PPP2R3A: variants seen among roughly 807,000 people sequenced by gnomAD.
PPP2R3A encodes the protein protein phosphatase 2 regulatory subunit B''alpha.
Under a neutral mutation model 106.9 loss-of-function variants are expected in PPP2R3A, and 80 were observed. The ratio of observed to expected loss-of-function variants is 0.75; its 90% CI spans 0.62 to 0.90. PPP2R3A has a LOEUF of 0.90. Among genes scored for constraint, PPP2R3A ranks in the 40% least tolerant of loss-of-function variants. The probability of loss-of-function intolerance (pLI) is 0.00; values close to 1 mark genes in which losing one functional copy is unlikely to be tolerated. For missense variants in PPP2R3A, 1,386 were observed against 1,350.4 expected, an observed-to-expected ratio of 1.03 and a Z score of -0.41; for synonymous variants, 483 against 468.3, an observed-to-expected ratio of 1.03 and a Z score of -0.41.
chr3:136,096,033 C>A (rs1937207290), intron 10 of PPP2R3A, among the ~76,000 whole-genome samples: 1 of 152,104 alleles, frequency 6.6e-6, no homozygotes, highest in African/African-American at 2.4e-5. Context: ...TACATTTGGG[C>A]AAAATCATCT....
intron 5 of PPP2R3A, among the ~76,000 whole-genome samples, chr3:136,059,803 AAAAG>A (rs1936015194): frequency 6.6e-6 from 1 of 152,260 alleles, no homozygotes; most frequent in South Asian, 2.1e-4. Flanking sequence ...GCAGCCATAA[AAAAG>A]AAAGAGATCA....
At position 136,147,324 on chromosome 3, in the gene PPP2R3A, A is replaced by G. The variant is rs1008984903; in HGVS notation, c.*2158A>G. 2.6e-5 allele frequency: 4 copies of G among 152,630 alleles called. No individual in the cohort carries two copies. Among genetic ancestry groups the G allele is most frequent in the African/African-American group, 9.6e-5 (4 of 41,454 alleles). The allele number at this position is 152,630 out of a possible 1,614,324, so 9.5% of individuals were successfully genotyped here. The stretch of plus-strand genomic sequence containing the variant: ...GGCTGCAGTGAGCTATGATTACGAC[A>G]CTGCACTCCAGCCTAGGCGACAGAG... On this transcript the variant is annotated 3_prime_UTR_variant, in exon 14 of 14. Coordinates refer to ENST00000264977, the MANE Select transcript of PPP2R3A (RefSeq NM_002718.5).
At chr3:136,055,852 A>G (rs1007300713) in intron 5 of PPP2R3A, 4 of 484,476 alleles carry the variant, frequency 8.3e-6, no homozygotes, top group African/African-American at 5.8e-5. Flanking sequence ...ACAGTTTAGT[A>G]GACACTGCAG....
intron 2 of PPP2R3A, among the ~76,000 whole-genome samples, chr3:136,009,838 C>G (rs1933982590): frequency 6.6e-6 from 1 of 152,310 alleles, no homozygotes; most frequent in Admixed American, 6.5e-5. Flanking sequence ...TGGTACCCAC[C>G]TGGAACAGCT....
At chr3:135,987,838 T>C (rs949410533) in intron 1 of PPP2R3A, among the ~76,000 whole-genome samples, 2 of 152,208 alleles carry the variant, frequency 1.3e-5, no homozygotes, top group Non-Finnish European at 2.9e-5. Context: ...AAGTGGCTGC[T>C]ATTGCATGGT....
intron 9 of PPP2R3A, among the ~76,000 whole-genome samples, chr3:136,088,951 G>A (rs1937026338): frequency 6.6e-6 from 1 of 151,934 alleles, no homozygotes; most frequent in Admixed American, 6.6e-5. Flanking sequence ...TTTGCTTGTT[G>A]ATTTAAGTTC....
intron 6 of PPP2R3A, among the ~76,000 whole-genome samples, chr3:136,072,199 C>T (rs935196075): frequency 1.3e-5 from 2 of 152,120 alleles, no homozygotes; most frequent in Non-Finnish European, 2.9e-5. Context: ...AAGCTCCATA[C>T]AAGCAGGAAC....
chr3:135,976,914 G>A (rs949564135), intron 1 of PPP2R3A, among the ~76,000 whole-genome samples: 2 of 151,952 alleles, frequency 1.3e-5, no homozygotes, highest in African/African-American at 4.8e-5. Context: ...ATTTTAATAG[G>A]TGGCATGTCA....
At chr3:136,144,486 C>T (rs1352036796) in intron 13 of PPP2R3A, among the ~76,000 whole-genome samples, 2 of 152,056 alleles carry the variant, frequency 1.3e-5, no homozygotes, top group Non-Finnish European at 2.9e-5. Flanking sequence ...CATGGTGAAA[C>T]CCCATCTCTA....
chr3:136,068,228 A>G (rs1230532387), intron 5 of PPP2R3A, among the ~76,000 whole-genome samples: 1 of 152,222 alleles, frequency 6.6e-6, no homozygotes, highest in African/African-American at 2.4e-5. Context: ...ATTTATAAAA[A>G]GAGAACACAG....
chr3:136,020,896 G>T (rs567716621), intron 2 of PPP2R3A, among the ~76,000 whole-genome samples: 2 of 152,174 alleles, frequency 1.3e-5, no homozygotes, highest in African/African-American at 4.8e-5. Flanking sequence ...ATTTCACTAA[G>T]TGCTGTATAT....
Position 136,066,974 on chromosome 3 carries a change from A to G in PPP2R3A, c.2470-3504A>G, listed in dbSNP as rs116731692. Reference sequence around the variant, plus strand: ...GATGAAATACATATACCTTAGTGTTAAAGCCAATATCTTATTTAATGGGAA... The same window carrying G: ...GATGAAATACATATACCTTAGTGTTGAAGCCAATATCTTATTTAATGGGAA... On this transcript the variant is annotated intron_variant, in intron 5 of 13. Transcript: ENST00000264977. Among the ~76,000 whole-genome samples, 1,143 of 152,336 alleles carry G rather than the reference A, an allele frequency of 7.5e-3. 20 individuals are homozygous for G. Among genetic ancestry groups the G allele is most frequent in the African/African-American group, 0.026 (1,091 of 41,558 alleles).
chr3:136,087,838 C>T (rs1936993128), intron 8 of PPP2R3A, 45 bp from the exon 9 acceptor site: 1 of 1,482,308 alleles, frequency 6.7e-7, no homozygotes, highest in Non-Finnish European at 9.4e-7. Context: ...CTTTATGGAG[C>T]ATGTTTCTAA....
At chr3:136,034,571 C>G (rs1367670301) in intron 3 of PPP2R3A, among the ~76,000 whole-genome samples, 1 of 152,174 alleles carries the variant, frequency 6.6e-6, no homozygotes, top group East Asian at 1.9e-4. Flanking sequence ...TTTTATTCCA[C>G]TGTAGTCTGA....
At chr3:135,993,127 C>T (rs1457086110) in intron 1 of PPP2R3A, among the ~76,000 whole-genome samples, 5 of 152,124 alleles carry the variant, frequency 3.3e-5, no homozygotes, top group Non-Finnish European at 7.4e-5. Flanking sequence ...AAACCTCCTA[C>T]TCTTCAAAAG....
At chr3:136,070,650 A>G (rs886277373) in intron 6 of PPP2R3A, 98 bp downstream of exon 6, 3 of 844,902 alleles carry the variant, frequency 3.6e-6, no homozygotes, top group Non-Finnish European at 5.2e-6. Flanking sequence ...AAAAGGTAAC[A>G]TGGGTTATAA....
intron 7 of PPP2R3A, among the ~76,000 whole-genome samples, chr3:136,078,859 C>T (rs1936685081): frequency 1.3e-5 from 2 of 152,146 alleles, no homozygotes; most frequent in Non-Finnish European, 2.9e-5. Context: ...ACTCTGTATC[C>T]AGCACCTGCT....
At chr3:136,062,869 AC>A (rs1182692746) in intron 5 of PPP2R3A, among the ~76,000 whole-genome samples, 6 of 152,146 alleles carry the variant, frequency 3.9e-5, no homozygotes, top group Admixed American at 3.9e-4. Context: ...AGATTCAATG[AC>A]ATCCCCATCA....
At chr3:136,033,655 T>C (rs1210327492) in intron 3 of PPP2R3A, among the ~76,000 whole-genome samples, 1 of 152,192 alleles carries the variant, frequency 6.6e-6, no homozygotes, top group Non-Finnish European at 1.5e-5. Context: ...CTTCTAGGTT[T>C]TCTAGTTTAT....
Sources: allele counts gnomAD v4.1 joint callset (sites outside exome capture counted in the v4.1 genomes callset), GRCh38; gene constraint gnomAD v4.1.1; transcripts MANE v1.5; gene names NCBI Gene and HGNC (gene_info 2026-07-23, HGNC 2026-07-21).